PTDSS2: variants seen among roughly 807,000 people sequenced by gnomAD.
The protein encoded by PTDSS2 is phosphatidylserine synthase 2, also known as PSS-2.
PTDSS2 carries 41 observed loss-of-function variants against 64.7 expected under a neutral mutation model. That is an observed-to-expected ratio of 0.63 (90% CI 0.49 to 0.82). The LOEUF (loss-of-function observed/expected upper bound fraction) is 0.82. Ranked by LOEUF, PTDSS2 falls within the 40% of genes least tolerant of loss-of-function variation. PTDSS2 has a pLI of 0.00. For missense variants in PTDSS2, 485 were observed against 650.0 expected (o/e 0.75, Z 2.76); for synonymous variants, 297 against 277.8 (o/e 1.07, Z -0.69).
intron 1 of PTDSS2, among the ~76,000 whole-genome samples, chr11:458,279 A>C (rs1846689166): frequency 6.8e-6 from 1 of 146,048 alleles, no homozygotes; most frequent in South Asian, 2.1e-4. Context: ...ATCTCGGCTC[A>C]CTGCAGGCTC....
chr11:455,698 T>C (rs1223100637), intron 1 of PTDSS2, among the ~76,000 whole-genome samples: 1 of 152,242 alleles, frequency 6.6e-6, no homozygotes, highest in African/African-American at 2.4e-5. Flanking sequence ...TCTCCGGAGA[T>C]GCCTCCCAGG....
In PTDSS2 at chr11:490,082, G is replaced by A. The variant is rs751106512; in HGVS notation, c.1301+14G>A. On this transcript the variant is annotated intron_variant, in intron 11 of 11. Coordinates refer to ENST00000308020, the MANE Select transcript of PTDSS2 (RefSeq NM_030783.3). ...CTTCTTCCTGCGGTGAGTCAGGGCA[G>A]GGCGCGTATGTTCTGAAGGAGGGCC... 8.2e-6 allele frequency: 13 copies of A among 1,595,052 alleles called. No homozygotes were observed. In the East Asian group the frequency reaches 2.2e-4, roughly 27 times the overall value.
In PTDSS2 at chr11:476,304, GT is replaced by G. The variant is rs570075060; in HGVS notation, c.367+2328del. Among the ~76,000 whole-genome samples the G allele has an allele frequency of 1.8e-3, 278 of 152,238 alleles. 1 individual carries two copies. The highest frequency in any genetic ancestry group is 6.5e-3 in the African/African-American group (271 of 41,550). ...GTGCAGTGATGGTGAGAAACTGCCC[GT>G]CACACAGTGAAAAGCCTGGCGCCGT... On this transcript the variant is annotated intron_variant, in intron 3 of 11. Coordinates refer to ENST00000308020, the MANE Select transcript of PTDSS2 (RefSeq NM_030783.3). The surrounding 1 kb of genome is among the most constrained non-coding windows in gnomAD (Gnocchi z 4.9).
At chr11:453,945 C>G in intron 1 of PTDSS2, among the ~76,000 whole-genome samples, 1 of 152,222 alleles carries the variant, frequency 6.6e-6, no homozygotes, top group East Asian at 1.9e-4. Flanking sequence ...TGTTCTGTGT[C>G]TGATCACAGG....
At chr11:457,958 C>G (rs1308388903) in intron 1 of PTDSS2, among the ~76,000 whole-genome samples, 3 of 152,210 alleles carry the variant, frequency 2.0e-5, no homozygotes, top group Non-Finnish European at 4.4e-5. Flanking sequence ...CAGATGTGCA[C>G]TGATGCTGTG....
chr11:488,134 C>G (rs778871094), intron 6 of PTDSS2, 65 bp from the exon 7 acceptor site: 1 of 1,239,584 alleles, frequency 8.1e-7, no homozygotes, highest in Non-Finnish European at 1.2e-6. Context: ...GGGGGCTGCA[C>G]GCACCCGTGG....
At position 460,215 on chromosome 11, in the gene PTDSS2, A is replaced by T. The variant is rs754796863; in HGVS notation, c.211A>T (p.Ile71Phe). 2.5e-6 allele frequency: 4 copies of T among 1,614,180 alleles called. No homozygotes were observed. In the South Asian group the frequency reaches 3.3e-5, roughly 13 times the overall value. Reference sequence around the variant, plus strand: ...AGCCCACACCTTAACCGTGCTCTTCATCCTCACCTGTACGCTTGGCTATGT... The same window carrying T: ...AGCCCACACCTTAACCGTGCTCTTCTTCCTCACCTGTACGCTTGGCTATGT... ...WRAHTLTVLF[I>F]LTCTLGYVTL... Residue 71 changes from isoleucine (I) to phenylalanine (F), a missense_variant, in exon 2 of 12, where the codon ATC becomes TTC. Ile to Phe is a conservative substitution (Grantham distance 21). This residue lies in a region of PTDSS2 where 251 missense variants were observed against 348.0 expected (regional missense o/e 0.72). Coordinates refer to ENST00000308020, the MANE Select transcript of PTDSS2 (RefSeq NM_030783.3). The surrounding 1 kb of genome is among the most constrained non-coding windows in gnomAD (Gnocchi z 5.8).
At chr11:463,236 A>T (rs527548765) in intron 2 of PTDSS2, 32 of 149,798 alleles carry the variant, frequency 2.1e-4, no homozygotes, top group African/African-American at 3.7e-4. Flanking sequence ...TATTTATTTT[A>T]TTTTTTTTTG....
At chr11:451,783 A>G (rs1846342212) in intron 1 of PTDSS2, among the ~76,000 whole-genome samples, 1 of 152,096 alleles carries the variant, frequency 6.6e-6, no homozygotes, top group Non-Finnish European at 1.5e-5. Context: ...AGACTGTCCA[A>G]GTGGTGGGAA....
chr11:476,245 A>G lies in PTDSS2; in HGVS notation c.367+2268A>G, dbSNP rs983205553. ...GCTGAGCACAGACGGTCTTGCCTCC[A>G]AGGGGTTTGGATTCCTCAGCAGAGC... On this transcript the variant is annotated intron_variant, in intron 3 of 11. Transcript: ENST00000308020. The surrounding 1 kb of genome is among the most constrained non-coding windows in gnomAD (Gnocchi z 4.9). Among the ~76,000 whole-genome samples the G allele has an allele frequency of 6.6e-6, 1 of 152,160 alleles. No individual in the cohort carries two copies.
At chr11:490,364 G>T (rs1198780223) in intron 11 of PTDSS2, 56 bp from the exon 12 acceptor site, 43 of 1,609,258 alleles carry the variant, frequency 2.7e-5, no homozygotes, top group Non-Finnish European at 3.6e-5. Context: ...CTGTCCATGG[G>T]GCCTGCAGTG....
chr11:488,049 C>CG lies in PTDSS2; in HGVS notation c.622-147dup, dbSNP rs576478536. The CG allele has an allele frequency of 1.7e-3, 646 of 388,810 alleles. 53 individuals are homozygous for CG. Among genetic ancestry groups the CG allele is most frequent in the African/African-American group, 0.015 (396 of 25,938 alleles). 24.1% of individuals were successfully genotyped at this position (388,810 alleles called of 1,614,324 possible). ...TGCGTCCCATACTCTGGCTGCCAGC[C>CG]GGGTGGGGGCTGCACGCACCCGTGG... On this transcript the variant is annotated intron_variant, in intron 6 of 11. Coordinates refer to ENST00000308020, the MANE Select transcript of PTDSS2 (RefSeq NM_030783.3).
At chr11:458,433 C>A (rs1486561991) in intron 1 of PTDSS2, among the ~76,000 whole-genome samples, 2 of 151,304 alleles carry the variant, frequency 1.3e-5, no homozygotes, top group African/African-American at 2.4e-5. Context: ...TCTCGATCTC[C>A]TGACCTCGTG....
Position 475,271 on chromosome 11 carries a change from G to GT in PTDSS2, c.367+1294_367+1295insT, listed in dbSNP as rs1379413033. 7.3e-5 allele frequency among the ~76,000 whole-genome samples: 11 copies of GT among 150,102 alleles called. No individual in the cohort carries two copies. In the East Asian group the frequency reaches 1.9e-3, roughly 27 times the overall value. On this transcript the variant is annotated intron_variant, in intron 3 of 11. Transcript: ENST00000308020. ...TGTACGGACATATTCACGCGTTTGT[G>GT]ATACGGCCATATTCACGCGTTTGTG...
At chr11:451,607 C>T (rs1320740304) in intron 1 of PTDSS2, 1 of 245,922 alleles carries the variant, frequency 4.1e-6, no homozygotes, top group African/African-American at 2.3e-5. Context: ...GGAAGGAAGG[C>T]TTTATGGACG....
At chr11:468,146 C>A (rs1847227621) in intron 2 of PTDSS2, among the ~76,000 whole-genome samples, 1 of 152,238 alleles carries the variant, frequency 6.6e-6, no homozygotes, top group Non-Finnish European at 1.5e-5. Context: ...TAGTAATGAG[C>A]ATTAAGCCAC....
intron 3 of PTDSS2, among the ~76,000 whole-genome samples, chr11:475,215 T>C (rs1273061713): frequency 1.9e-5 from 2 of 107,600 alleles, no homozygotes; most frequent in Non-Finnish European, 3.9e-5. Flanking sequence ...AATCACGTCT[T>C]TGTGTATATG....
At chr11:477,022 G>A (rs1358204204) in intron 3 of PTDSS2, among the ~76,000 whole-genome samples, 2 of 152,172 alleles carry the variant, frequency 1.3e-5, no homozygotes, top group Non-Finnish European at 2.9e-5. Flanking sequence ...GCTCTGGGTG[G>A]GGGGCAGGGA....
chr11:490,781 T>C lies in PTDSS2; in HGVS notation c.*199T>C, dbSNP rs981176633. The stretch of plus-strand genomic sequence containing the variant: ...ATCTCCATGTGTACACGTGTGTACG[T>C]GTGTATGCGTGTGTGTACGCGTGTG... On this transcript the variant is annotated 3_prime_UTR_variant, in exon 12 of 12. Coordinates refer to ENST00000308020, the MANE Select transcript of PTDSS2 (RefSeq NM_030783.3). 8 of 588,250 alleles carry C rather than the reference T, an allele frequency of 1.4e-5. No individual in the cohort carries two copies. Among genetic ancestry groups the C allele is most frequent in the Admixed American group, 6.8e-5 (2 of 29,352 alleles). 36.4% of individuals were successfully genotyped at this position (588,250 alleles called of 1,614,324 possible).
Sources: gnomAD v4.1 joint callset for allele counts (sites outside exome capture counted in the v4.1 genomes callset) on GRCh38, gnomAD v4.1.1 for gene constraint, gnomAD v4.1.1 regional missense constraint, Gnocchi (gnomAD v3.1) non-coding constraint, MANE v1.5 for transcripts, NCBI Gene and HGNC (gene_info 2026-07-23, HGNC 2026-07-21) for gene names.